Variants in RAB15 observed in about 807,000 individuals in gnomAD.
The protein encoded by RAB15 is RAB15, member RAS oncogene family.
RAB15 carries 13 observed loss-of-function variants against 31.8 expected under a neutral mutation model. The observed-to-expected ratio is 0.41, with a 90% CI of 0.27 to 0.65. The LOEUF (loss-of-function observed/expected upper bound fraction) is 0.65. RAB15 is among the 30% of genes least tolerant of loss of function. The pLI, the probability that RAB15 is intolerant of heterozygous loss-of-function variation, is 0.32. For missense variants in RAB15, 220 were observed against 277.3 expected, an observed-to-expected ratio of 0.79 and a Z score of 1.47; for synonymous variants, 100 against 105.6, an observed-to-expected ratio of 0.95 and a Z score of 0.33.
intron 1 of RAB15, among the ~76,000 whole-genome samples, chr14:64,964,821 C>A (rs1007747947): frequency 6.6e-6 from 1 of 152,100 alleles, no homozygotes; most frequent in East Asian, 2.0e-4. Flanking sequence ...GTGATCTGCC[C>A]ACCTTGGCCT....
Position 64,954,525 on chromosome 14 carries a change from A to T in RAB15, c.125-1954T>A, listed in dbSNP as rs1806389488. ...CATCACAAGGGGGACAGGAAGAGAGAAGGTTTTATTTCCTTTATCCCACAA... is the reference window on the plus strand; with the variant it reads ...CATCACAAGGGGGACAGGAAGAGAGTAGGTTTTATTTCCTTTATCCCACAA... On this transcript the variant is annotated intron_variant, in intron 1 of 6. Coordinates refer to ENST00000533601, the MANE Select transcript of RAB15 (RefSeq NM_001308154.2). This position sits in a 1 kb window ranked among gnomAD's most constrained non-coding sequence, Gnocchi z 4.3. 1.0e-6 allele frequency: 1 copy of T among 985,286 alleles called. No homozygotes were observed. The highest frequency in any genetic ancestry group is 1.7e-5 in the African/African-American group (1 of 57,238). 61.0% of individuals were successfully genotyped at this position (985,286 alleles called of 1,614,324 possible).
Position 64,971,675 on chromosome 14 carries a change from A to C in RAB15, c.124+278T>G, listed in dbSNP as rs899468005. The C allele has an allele frequency of 2.0e-6, 1 of 490,968 alleles. No individual in the cohort carries two copies. Among genetic ancestry groups the C allele is most frequent in the African/African-American group, 2.0e-5 (1 of 49,576 alleles). The allele number at this position is 490,968 out of a possible 1,614,324, so 30.4% of individuals were successfully genotyped here. On this transcript the variant is annotated intron_variant, in intron 1 of 6. Transcript: ENST00000533601. The surrounding 1 kb of genome is among the most constrained non-coding windows in gnomAD (Gnocchi z 4.1). ...ACCCCAGCTCGGGGTACCCAGGCCT[A>C]CACCAGCTCCCCTCACCCCCGGTTT... is the stretch of plus-strand genomic sequence containing the variant.
chr14:64,966,379 C>T (rs890427810), intron 1 of RAB15, among the ~76,000 whole-genome samples: 11 of 151,954 alleles, frequency 7.2e-5, no homozygotes, highest in South Asian at 4.2e-4. Context: ...TAATAATAGC[C>T]GGGTGTGGTG....
In RAB15 at chr14:64,954,299, C is replaced by T. The variant is rs1189728669; in HGVS notation, c.125-1728G>A. On this transcript the variant is annotated intron_variant, in intron 1 of 6. Transcript: ENST00000533601. The surrounding 1 kb of genome is among the most constrained non-coding windows in gnomAD (Gnocchi z 4.3). ...TCAGGCCTTGGGAAGCAGGAGTATG[C>T]TTATTTCTGCCTGGATCAACGGTTA... 2.0e-6 allele frequency: 2 copies of T among 985,284 alleles called. No homozygotes were observed. The highest frequency in any genetic ancestry group is 2.4e-6 in the Non-Finnish European group (2 of 829,926). The allele number at this position is 985,284 out of a possible 1,614,324, so 61.0% of individuals were successfully genotyped here.
intron 1 of RAB15, among the ~76,000 whole-genome samples, chr14:64,969,298 C>T (rs889758603): frequency 2.0e-5 from 3 of 152,160 alleles, no homozygotes; most frequent in Admixed American, 2.0e-4. Flanking sequence ...ATTTCGTTGG[C>T]TCCTTGATTT....
In RAB15 at chr14:64,971,945, C is replaced by T. The variant is rs1313933849; in HGVS notation, c.124+8G>A. ...GAGGGAGGGGCGCCCCGGGCCACCG[C>T]CCCTTACCGATGGTGGAGATGTGCG... On this transcript the variant is annotated splice_region_variant and intron_variant, in intron 1 of 6. Coordinates refer to ENST00000533601, the MANE Select transcript of RAB15 (RefSeq NM_001308154.2). This position sits in a 1 kb window ranked among gnomAD's most constrained non-coding sequence, Gnocchi z 4.1. The T allele has an allele frequency of 6.4e-7, 1 of 1,562,898 alleles. No homozygotes were observed. Among genetic ancestry groups the T allele is most frequent in the South Asian group, 1.2e-5 (1 of 85,270 alleles).
rs1325669518 is a variant in RAB15, at chr14:64,951,506, G to C, written c.246+97C>G. Reference sequence around the variant, plus strand: ...CTGCGCTCCTCCAAGCAGGCGAACTGTATTTAGGGGATCCGTGGCACAGAC... The same window carrying C: ...CTGCGCTCCTCCAAGCAGGCGAACTCTATTTAGGGGATCCGTGGCACAGAC... On this transcript the variant is annotated intron_variant, in intron 3 of 6. Transcript: ENST00000533601. This position sits in a 1 kb window ranked among gnomAD's most constrained non-coding sequence, Gnocchi z 7.2. 1 of 1,128,720 alleles carries C rather than the reference G, an allele frequency of 8.9e-7. No individual in the cohort carries two copies. The highest frequency in any genetic ancestry group is 1.5e-5 in the African/African-American group (1 of 65,690). 69.9% of individuals were successfully genotyped at this position (1,128,720 alleles called of 1,614,324 possible).
At position 64,948,642 on chromosome 14, in the gene RAB15, G is replaced by A. The variant is rs376703170; in HGVS notation, c.480+26C>T. ...TCTGCTGGACTCAGCCCGAGAGAGC[G>A]GGCGCCTGGTCACCAGGGCTCTCAC... On this transcript the variant is annotated intron_variant, in intron 6 of 6. Coordinates refer to ENST00000533601, the MANE Select transcript of RAB15 (RefSeq NM_001308154.2). This position sits in a 1 kb window ranked among gnomAD's most constrained non-coding sequence, Gnocchi z 7.0. 34 of 1,613,566 alleles carry A rather than the reference G, an allele frequency of 2.1e-5. No homozygotes were observed. Among genetic ancestry groups the A allele is most frequent in the Admixed American group, 8.3e-5 (5 of 59,998 alleles).
chr14:64,972,287 C>CGCTCGGCTCGGCTCGGCTCG lies in RAB15; in HGVS notation c.-231_-212dup, dbSNP rs553336425. The CGCTCGGCTCGGCTCGGCTCG allele has an allele frequency of 6.1e-6, 1 of 163,364 alleles. No homozygotes were observed. The highest frequency in any genetic ancestry group is 1.2e-5 in the Non-Finnish European group (1 of 80,694). 10.1% of individuals were successfully genotyped at this position (163,364 alleles called of 1,614,324 possible). On this transcript the variant is annotated 5_prime_UTR_variant, in exon 1 of 7. Coordinates refer to ENST00000533601, the MANE Select transcript of RAB15 (RefSeq NM_001308154.2). The surrounding 1 kb of genome is among the most constrained non-coding windows in gnomAD (Gnocchi z 6.3). ...TGCGGCGGGAGCCCGGCGCGGCGCC[C>CGCTCGGCTCGGCTCGGCTCG]GCTCGGCTCGGCTCGGCTCGGCTGG...
At chr14:64,963,440 C>A (rs1255763381) in intron 1 of RAB15, among the ~76,000 whole-genome samples, 1 of 152,036 alleles carries the variant, frequency 6.6e-6, no homozygotes, top group Non-Finnish European at 1.5e-5. Context: ...CATTGGCAGC[C>A]CCTGGAACTG....
intron 1 of RAB15, among the ~76,000 whole-genome samples, chr14:64,965,962 A>T (rs1177235759): frequency 1.3e-5 from 2 of 152,112 alleles, no homozygotes; most frequent in Non-Finnish European, 2.9e-5. Flanking sequence ...CTGTGTCAGG[A>T]GGAGAAACAG....
intron 1 of RAB15, among the ~76,000 whole-genome samples, chr14:64,967,563 G>T (rs1887200774): frequency 6.7e-6 from 1 of 150,246 alleles, no homozygotes; most frequent in South Asian, 2.1e-4. Flanking sequence ...TCCAGACTGG[G>T]TGACAGAGTG....
Position 64,951,725 on chromosome 14 carries a change from G to A in RAB15, c.186-62C>T, listed in dbSNP as rs1886265231. The A allele has an allele frequency of 8.6e-6, 12 of 1,403,372 alleles. No homozygotes were observed. Among genetic ancestry groups the A allele is most frequent in the Non-Finnish European group, 1.2e-5 (12 of 987,602 alleles). The allele number at this position is 1,403,372 out of a possible 1,614,324, so 86.9% of individuals were successfully genotyped here. ...CCATGGGAACAGACGGGGAGGGGAA[G>A]AGCAGAGCTGTCCCCTTGTAGGAAA... On this transcript the variant is annotated intron_variant, in intron 2 of 6. Transcript: ENST00000533601. The surrounding 1 kb of genome is among the most constrained non-coding windows in gnomAD (Gnocchi z 7.2).
In RAB15 at chr14:64,947,116, C is replaced by T. The variant is rs961513564; in HGVS notation, c.*1238G>A. On this transcript the variant is annotated 3_prime_UTR_variant, in exon 7 of 7. Transcript: ENST00000533601. The surrounding 1 kb of genome is among the most constrained non-coding windows in gnomAD (Gnocchi z 5.6). ...CTTCCCATGAAGTCTTTGCCCTTCT[C>T]CCATAAACTTTGGGTCCCAGGAGAA... The T allele has an allele frequency of 2.0e-5, 3 of 152,662 alleles. No individual in the cohort carries two copies. The allele number at this position is 152,662 out of a possible 1,614,324, so 9.5% of individuals were successfully genotyped here. A position where few individuals can be genotyped will look rare whatever the true frequency, so the allele number is the denominator to read the frequency against.
In RAB15 at chr14:64,950,936, TACTC is replaced by T. The variant is rs1414366247; in HGVS notation, c.324+134_324+137del. 2.5e-6 allele frequency: 4 copies of T among 1,600,256 alleles called. No homozygotes were observed. The highest frequency in any genetic ancestry group is 3.4e-6 in the Non-Finnish European group (4 of 1,169,152). On this transcript the variant is annotated intron_variant, in intron 4 of 6. Transcript: ENST00000533601. The surrounding 1 kb of genome is among the most constrained non-coding windows in gnomAD (Gnocchi z 5.6). Reference sequence around the variant, plus strand: ...CAGCTTCGGTTTCTTCCCCATGTCTTACTCACCCAGAGGTCTTCATCCAGGGCTG... The same window carrying T: ...CAGCTTCGGTTTCTTCCCCATGTCTTACCCAGAGGTCTTCATCCAGGGCTG...
chr14:64,963,747 C>T (rs1471237322), intron 1 of RAB15, among the ~76,000 whole-genome samples: 4 of 152,152 alleles, frequency 2.6e-5, no homozygotes, highest in Admixed American at 6.5e-5. Context: ...CTCCAGCTGG[C>T]CCCAGCAAGG....
rs1886512731 is a variant in RAB15 at position 64,955,672 on chromosome 14, TCCTCTGAAGCCA to T, written c.125-3113_125-3102del. On this transcript the variant is annotated intron_variant, in intron 1 of 6. Transcript: ENST00000533601. The surrounding 1 kb of genome is among the most constrained non-coding windows in gnomAD (Gnocchi z 4.4). Reference sequence around the variant, plus strand: ...GTTTTATGGCCCAGATGAATGCCTTTCCTCTGAAGCCACCTCCTTTCTTCAGATTTTCCTAAG... The same window carrying T: ...GTTTTATGGCCCAGATGAATGCCTTTCCTCCTTTCTTCAGATTTTCCTAAG... Among the ~76,000 whole-genome samples the T allele has an allele frequency of 6.6e-6, 1 of 152,220 alleles. No individual in the cohort carries two copies. The highest frequency in any genetic ancestry group is 2.4e-5 in the African/African-American group (1 of 41,460).
In RAB15 at chr14:64,971,688, TC is replaced by T. The variant is rs1887426666; in HGVS notation, c.124+264del. Reference sequence around the variant, plus strand: ...GTACCCAGGCCTACACCAGCTCCCCTCACCCCCGGTTTCTCGGTTTGATGGG... The same window carrying T: ...GTACCCAGGCCTACACCAGCTCCCCTACCCCCGGTTTCTCGGTTTGATGGG... On this transcript the variant is annotated intron_variant, in intron 1 of 6. Coordinates refer to ENST00000533601, the MANE Select transcript of RAB15 (RefSeq NM_001308154.2). This position sits in a 1 kb window ranked among gnomAD's most constrained non-coding sequence, Gnocchi z 4.1. 2 of 519,758 alleles carry T rather than the reference TC, an allele frequency of 3.8e-6. No homozygotes were observed. The highest frequency in any genetic ancestry group is 6.9e-6 in the Non-Finnish European group (2 of 287,904). 32.2% of individuals were successfully genotyped at this position (519,758 alleles called of 1,614,324 possible).
At chr14:64,961,861 G>C (rs1437137939) in intron 1 of RAB15, among the ~76,000 whole-genome samples, 1 of 151,114 alleles carries the variant, frequency 6.6e-6, no homozygotes, top group Non-Finnish European at 1.5e-5. Context: ...GCTGCAATGA[G>C]CTGAGATCAC....
Sources: gnomAD v4.1 joint callset for allele counts (sites outside exome capture counted in the v4.1 genomes callset) on GRCh38, gnomAD v4.1.1 for gene constraint, Gnocchi (gnomAD v3.1) non-coding constraint, MANE v1.5 for transcripts, NCBI Gene and HGNC (gene_info 2026-07-23, HGNC 2026-07-21) for gene names.